The following BBS9 variants were observed in gnomAD, a reference collection of about 807,000 sequenced individuals.
The protein encoded by BBS9 is protein PTHB1.
BBS9 carries 89 observed loss-of-function variants against 117.7 expected under a neutral mutation model. The observed-to-expected ratio is 0.76, with a 90% CI of 0.64 to 0.90. The LOEUF (loss-of-function observed/expected upper bound fraction) is 0.90. Among genes scored for constraint, BBS9 ranks in the 40% least tolerant of loss-of-function variants. The pLI is 0.00. For synonymous variants in BBS9, 379 were observed against 370.9 expected, an observed-to-expected ratio of 1.02 and a Z score of -0.25; for missense variants, 982 against 1,042.2, an observed-to-expected ratio of 0.94 and a Z score of 0.80.
chr7:33,628,420 A>C (rs1865741621), intron 21 of BBS9, among the ~76,000 whole-genome samples: 1 of 152,192 alleles, frequency 6.6e-6, no homozygotes. Context: ...AAGATAATTC[A>C]CTGTATTAAC....
At chr7:33,184,639 G>A (rs564400288) in intron 5 of BBS9, among the ~76,000 whole-genome samples, 3 of 152,074 alleles carry the variant, frequency 2.0e-5, no homozygotes, top group East Asian at 1.9e-4. Context: ...AACCATAGTC[G>A]GCCAATGGGT....
chr7:33,481,366 T>TC (rs1463290985), intron 19 of BBS9, among the ~76,000 whole-genome samples: 1 of 152,212 alleles, frequency 6.6e-6, no homozygotes, highest in East Asian at 1.9e-4. Flanking sequence ...ATTAAATTAC[T>TC]CCATAGCATA....
At chr7:33,192,663 C>G (rs1784316385) in intron 5 of BBS9, among the ~76,000 whole-genome samples, 1 of 152,150 alleles carries the variant, frequency 6.6e-6, no homozygotes, top group South Asian at 2.1e-4. Context: ...TGTTGCTATA[C>G]CAAAACACCT....
At chr7:33,576,670 C>T (rs2129149164) in intron 21 of BBS9, among the ~76,000 whole-genome samples, 1 of 152,266 alleles carries the variant, frequency 6.6e-6, no homozygotes, top group Non-Finnish European at 1.5e-5. Context: ...TACAAGGCTA[C>T]AGTAACCAAA....
chr7:33,453,064 A>G (rs867953416), intron 19 of BBS9, among the ~76,000 whole-genome samples: 8 of 152,232 alleles, frequency 5.3e-5, no homozygotes, highest in Non-Finnish European at 1.0e-4. Flanking sequence ...ACTGCTAGCT[A>G]TACAAACATT....
chr7:33,341,036 CA>C, intron 11 of BBS9, 63 bp downstream of exon 11: 1 of 1,399,552 alleles, frequency 7.1e-7, no homozygotes, highest in Non-Finnish European at 1.0e-6. Context: ...GAATTAGGAC[CA>C]AAATGCATTG....
At chr7:33,519,594 T>C (rs900563883) in intron 20 of BBS9, among the ~76,000 whole-genome samples, 1 of 152,008 alleles carries the variant, frequency 6.6e-6, no homozygotes, top group African/African-American at 2.4e-5. Context: ...TTTTTTATTA[T>C]GCAGTAAAAT....
intron 21 of BBS9, among the ~76,000 whole-genome samples, chr7:33,537,731 G>A (rs1248984045): frequency 6.6e-6 from 1 of 152,124 alleles, no homozygotes; most frequent in Non-Finnish European, 1.5e-5. Context: ...TAAAAGACTT[G>A]CTGTATTTTG....
At chr7:33,230,360 C>G (rs1338404558) in intron 5 of BBS9, among the ~76,000 whole-genome samples, 6 of 152,092 alleles carry the variant, frequency 3.9e-5, no homozygotes, top group Admixed American at 6.6e-5. Context: ...ACTGTGTTCT[C>G]TTAGAGAAGT....
intron 1 of BBS9, among the ~76,000 whole-genome samples, chr7:33,139,014 A>G (rs766512834): frequency 5.4e-4 from 81 of 151,258 alleles, no homozygotes; most frequent in Admixed American, 7.9e-4. Context: ...GCACTTTGGG[A>G]GGCTGAGGTC....
At chr7:33,196,431 C>T (rs1784953277) in intron 5 of BBS9, among the ~76,000 whole-genome samples, 1 of 152,114 alleles carries the variant, frequency 6.6e-6, no homozygotes, top group Admixed American at 6.6e-5. Context: ...ATATGCTCAG[C>T]TGGGGTGAAT....
chr7:33,460,671 C>T (rs193201557), intron 19 of BBS9, among the ~76,000 whole-genome samples: 19 of 151,932 alleles, frequency 1.3e-4, no homozygotes, highest in Admixed American at 5.3e-4. Flanking sequence ...TTTTTCCAAA[C>T]ATTACTGTCC....
At chr7:33,415,228 A>G (rs1172687363) in intron 19 of BBS9, among the ~76,000 whole-genome samples, 2 of 152,164 alleles carry the variant, frequency 1.3e-5, no homozygotes, top group Non-Finnish European at 2.9e-5. Flanking sequence ...TGTCTTGTAA[A>G]ATGTTCCAGT....
intron 17 of BBS9, among the ~76,000 whole-genome samples, chr7:33,370,299 A>G (rs183465675): frequency 8.6e-5 from 13 of 151,548 alleles, no homozygotes; most frequent in Non-Finnish European, 1.5e-4. Context: ...CCCTATTTAA[A>G]AAAAAAAAAA....
intron 5 of BBS9, among the ~76,000 whole-genome samples, chr7:33,187,934 AAGAC>A (rs1783403138): frequency 6.6e-6 from 1 of 152,014 alleles, no homozygotes. Flanking sequence ...AAAAAGAAAA[AAGAC>A]AGTTTATGTT....
At chr7:33,151,134 C>G (rs1793240990) in intron 2 of BBS9, among the ~76,000 whole-genome samples, 1 of 152,086 alleles carries the variant, frequency 6.6e-6, no homozygotes. Flanking sequence ...TGCCTGTATT[C>G]CCAGCCACTC....
At chr7:33,551,668 C>T (rs1370307891) in intron 21 of BBS9, among the ~76,000 whole-genome samples, 1 of 152,054 alleles carries the variant, frequency 6.6e-6, no homozygotes, top group Non-Finnish European at 1.5e-5. Context: ...CAAGCCCTGC[C>T]CTCAGGGAAT....
chr7:33,184,889 G>T (rs573748538), intron 5 of BBS9, among the ~76,000 whole-genome samples: 16 of 152,254 alleles, frequency 1.1e-4, no homozygotes, highest in African/African-American at 3.6e-4. Context: ...CTGCTGATTG[G>T]CTATTTTATG....
At chr7:33,445,698 TCC>T (rs1375749467) in intron 19 of BBS9, among the ~76,000 whole-genome samples, 4 of 152,082 alleles carry the variant, frequency 2.6e-5, no homozygotes, top group South Asian at 2.1e-4. Context: ...ATCCCCATAA[TCC>T]CCATGTGTTG....
Sources: gnomAD v4.1 joint callset for allele counts (sites outside exome capture counted in the v4.1 genomes callset) on GRCh38, gnomAD v4.1.1 for gene constraint, MANE v1.5 for transcripts, NCBI Gene and HGNC (gene_info 2026-07-23, HGNC 2026-07-21) for gene names.